SULF1: variants seen among roughly 807,000 people sequenced by gnomAD.
SULF1 encodes the protein sulfatase 1.
In SULF1, 46 loss-of-function variants were observed where a neutral mutation model predicts 110.5. That is an observed-to-expected ratio of 0.42 (90% CI 0.33 to 0.53). The LOEUF is 0.53. Ranked by LOEUF, SULF1 falls within the 20% of genes least tolerant of loss-of-function variation. The pLI is 0.12. For missense variants in SULF1, 941 were observed against 1,094.2 expected (o/e 0.86, Z 1.98); for synonymous variants, 371 against 387.1 (o/e 0.96, Z 0.49).
intron 6 of SULF1, 30 bp from the exon 7 acceptor site, chr8:69,586,327 G>GA (rs771146869): frequency 2.1e-5 from 33 of 1,540,118 alleles, no homozygotes; most frequent in South Asian, 7.4e-5. Context: ...CATTTTACGT[G>GA]AAAAAAATAA....
chr8:69,611,192 T>TATATGA (rs1808624777), intron 13 of SULF1, among the ~76,000 whole-genome samples: 1 of 152,226 alleles, frequency 6.6e-6, no homozygotes, highest in African/African-American at 2.4e-5. Flanking sequence ...TGGTAAATGT[T>TATATGA]ATATGAATTA....
intron 22 of SULF1, among the ~76,000 whole-genome samples, chr8:69,655,703 C>T (rs62512196): frequency 0.047 from 7,227 of 152,224 alleles, 239 homozygotes; most frequent in African/African-American, 0.1. Context: ...GCACCATGCC[C>T]GGTCTAAATC....
intron 19 of SULF1, among the ~76,000 whole-genome samples, chr8:69,631,851 C>T (rs190629310): frequency 3.3e-4 from 50 of 152,346 alleles, no homozygotes; most frequent in Admixed American, 1.6e-3. Flanking sequence ...GACTAGGGTC[C>T]GCCCATTTGA....
intron 2 of SULF1, among the ~76,000 whole-genome samples, chr8:69,496,550 A>T (rs1293543953): frequency 6.6e-6 from 1 of 152,278 alleles, no homozygotes; most frequent in Non-Finnish European, 1.5e-5. Context: ...ACTTTTGAAT[A>T]AGATGACTGC....
At chr8:69,626,175 AC>A (rs1352551730) in intron 15 of SULF1, 1 of 45,906 alleles carries the variant, frequency 2.2e-5, no homozygotes, top group Non-Finnish European at 4.8e-5. Context: ...GCAGCTAGAT[AC>A]AGTGTCGATT....
Position 69,645,381 on chromosome 8 carries a change from A to G in SULF1, c.2585+4540A>G, listed in dbSNP as rs144700815. ...CTTAAGATCCTCCCCAGGCTGCGGA[A>G]TGAAATGTATCTTTAATCAGTTCCA... On this transcript the variant is annotated intron_variant, in intron 22 of 22. Transcript: ENST00000402687. Among the ~76,000 whole-genome samples, 109 of 152,324 alleles carry G rather than the reference A, an allele frequency of 7.2e-4. 2 individuals carry two copies. In the East Asian group the frequency reaches 0.015, roughly 21 times the overall value.
At chr8:69,653,539 G>A (rs1812512409) in intron 22 of SULF1, among the ~76,000 whole-genome samples, 2 of 152,218 alleles carry the variant, frequency 1.3e-5, no homozygotes, top group Non-Finnish European at 2.9e-5. Flanking sequence ...CTACCTTCAC[G>A]GCATGTGGTT....
intron 22 of SULF1, among the ~76,000 whole-genome samples, chr8:69,643,008 T>A (rs1346288223): frequency 6.6e-6 from 1 of 152,142 alleles, no homozygotes; most frequent in Non-Finnish European, 1.5e-5. Flanking sequence ...TGCTTTTTTT[T>A]TCCCCCTTCT....
intron 5 of SULF1, among the ~76,000 whole-genome samples, chr8:69,568,026 A>T (rs1816023078): frequency 6.6e-6 from 1 of 152,142 alleles, no homozygotes. Flanking sequence ...TTTTAATAGT[A>T]GCCATCCTAA....
chr8:69,564,048 G>A lies in SULF1; in HGVS notation c.73G>A (p.Val25Ile). 6.2e-7 allele frequency: 1 copy of A among 1,614,188 alleles called. No homozygotes were observed. Residue 25 changes from valine to isoleucine, a missense_variant, in exon 5 of 23, where the codon GTC becomes ATC. Physicochemically the swap from Val to Ile is conservative, Grantham distance 29 (BLOSUM62 3). Transcript: ENST00000402687. ...ATTGCTGGGAAGCCTCTGTTCGACT[G>A]TCAGATCCCCGAGGTTCAGAGGACG... ...TELLGSLCST[V>I]RSPRFRGRIQ...
At chr8:69,608,703 A>G (rs1186080181) in intron 13 of SULF1, among the ~76,000 whole-genome samples, 1 of 152,120 alleles carries the variant, frequency 6.6e-6, no homozygotes, top group Non-Finnish European at 1.5e-5. Context: ...ATAAATAAAT[A>G]TAAAAAGAAT....
intron 13 of SULF1, among the ~76,000 whole-genome samples, chr8:69,612,240 G>T (rs544656255): frequency 6.6e-6 from 1 of 152,010 alleles, no homozygotes; most frequent in East Asian, 1.9e-4. Flanking sequence ...TTTTCTTTAT[G>T]CACTTGTTGG....
chr8:69,586,846 T>C (rs1014132308), intron 7 of SULF1, among the ~76,000 whole-genome samples: 1 of 152,212 alleles, frequency 6.6e-6, no homozygotes. Context: ...AATGTTCATC[T>C]TGTACTGTTT....
chr8:69,608,686 AAAAT>A (rs762103527), intron 13 of SULF1, among the ~76,000 whole-genome samples: 3 of 152,152 alleles, frequency 2.0e-5, no homozygotes, highest in African/African-American at 7.2e-5. Context: ...ACTCCATCTC[AAAAT>A]AAATAAATAA....
At chr8:69,589,259 T>C (rs1383144730) in intron 8 of SULF1, 118 bp downstream of exon 8, 3 of 1,057,298 alleles carry the variant, frequency 2.8e-6, no homozygotes, top group Non-Finnish European at 4.0e-6. Flanking sequence ...GCTTTCTTCA[T>C]GAAAGGATAA....
intron 3 of SULF1, among the ~76,000 whole-genome samples, chr8:69,554,989 AAAAAAAAAAC>A (rs1256144153): frequency 0.022 from 1,992 of 92,090 alleles, 39 homozygotes; most frequent in South Asian, 0.038. Flanking sequence ...AAAAAAAAAA[AAAAAAAAAAC>A]AAAAAAAAAA....
chr8:69,568,594 G>A (rs771420084), intron 5 of SULF1, among the ~76,000 whole-genome samples: 26 of 152,184 alleles, frequency 1.7e-4, no homozygotes, highest in African/African-American at 6.3e-4. Flanking sequence ...ATCATCCCAG[G>A]AGGAAACAGC....
chr8:69,640,791 G>A lies in SULF1; in HGVS notation c.2552-17G>A. The A allele has an allele frequency of 6.2e-7, 1 of 1,606,676 alleles. No homozygotes were observed. The highest frequency in any genetic ancestry group is 1.3e-5 in the African/African-American group (1 of 74,670). On this transcript the variant is annotated splice_polypyrimidine_tract_variant and intron_variant, in intron 21 of 22. Coordinates refer to ENST00000402687, the MANE Select transcript of SULF1 (RefSeq NM_001128205.2). The stretch of plus-strand genomic sequence containing the variant: ...TCTAAAGCTAACAGAAATTACTCTT[G>A]TATTTTCCTATATCAGGAAATAAAG...
chr8:69,632,568 A>T (rs1810659386), intron 19 of SULF1, among the ~76,000 whole-genome samples: 2 of 152,178 alleles, frequency 1.3e-5, no homozygotes, highest in South Asian at 4.2e-4. Flanking sequence ...CATGAAAAAA[A>T]GAAGAAGAAA....
Sources: allele counts gnomAD v4.1 joint callset (sites outside exome capture counted in the v4.1 genomes callset), GRCh38; gene constraint gnomAD v4.1.1; transcripts MANE v1.5; gene names NCBI Gene and HGNC (gene_info 2026-07-23, HGNC 2026-07-21).